The following MRPS9 variants were observed in gnomAD, a reference collection of about 807,000 sequenced individuals.
MRPS9 encodes the protein mitochondrial ribosomal protein S9.
Under a neutral mutation model 59.9 loss-of-function variants are expected in MRPS9, and 45 were observed. The ratio of observed to expected loss-of-function variants is 0.75; its 90% CI spans 0.59 to 0.96. The LOEUF is 0.96. Among genes scored for constraint, MRPS9 ranks in the 40% least tolerant of loss-of-function variants. MRPS9 has a pLI of 0.00. For missense variants in MRPS9, 473 were observed against 481.1 expected (o/e 0.98, Z 0.16); for synonymous variants, 171 against 166.8 (o/e 1.03, Z -0.19).
At chr2:105,062,773 T>C (rs1484930752) in intron 2 of MRPS9, among the ~76,000 whole-genome samples, 1 of 152,228 alleles carries the variant, frequency 6.6e-6, no homozygotes, top group Non-Finnish European at 1.5e-5. Flanking sequence ...ACCAAGCACA[T>C]GTCAGTGAGC....
intron 7 of MRPS9, among the ~76,000 whole-genome samples, chr2:105,091,687 A>G (rs1680562282): frequency 6.6e-6 from 1 of 152,220 alleles, no homozygotes; most frequent in Non-Finnish European, 1.5e-5. Flanking sequence ...AATCTCAAGC[A>G]TTAGTTGTTT....
At chr2:105,069,130 A>C (rs942816595) in intron 2 of MRPS9, among the ~76,000 whole-genome samples, 1 of 152,060 alleles carries the variant, frequency 6.6e-6, no homozygotes, top group African/African-American at 2.4e-5. Flanking sequence ...TATTAGATAA[A>C]ATGTGTTCTC....
chr2:105,095,327 A>T (rs1680635506), intron 9 of MRPS9, among the ~76,000 whole-genome samples: 3 of 152,144 alleles, frequency 2.0e-5, no homozygotes, highest in African/African-American at 7.2e-5. Flanking sequence ...AATTTTTAAA[A>T]TTTTATGATT....
chr2:105,062,518 CTA>C (rs1241208417), intron 2 of MRPS9, among the ~76,000 whole-genome samples: 1 of 152,196 alleles, frequency 6.6e-6, no homozygotes, highest in East Asian at 1.9e-4. Context: ...TAGAAATCCT[CTA>C]TTTGGAGACT....
At position 105,038,072 on chromosome 2, in the gene MRPS9, C is replaced by T. The variant is rs766281259; in HGVS notation, c.-21C>T. 5.6e-6 allele frequency: 9 copies of T among 1,612,746 alleles called. No homozygotes were observed. The highest frequency in any genetic ancestry group is 7.6e-6 in the Non-Finnish European group (9 of 1,179,796). ...GGCCCCGCCCCCTCACCCCTCCGGT[C>T]CTGGAGCTCCCACAGCTAACATGGC... is the stretch of plus-strand genomic sequence containing the variant. On this transcript the variant is annotated 5_prime_UTR_variant, in exon 1 of 11. Coordinates refer to ENST00000258455, the MANE Select transcript of MRPS9 (RefSeq NM_182640.3).
chr2:105,063,356 A>G (rs1423451103), intron 2 of MRPS9, among the ~76,000 whole-genome samples: 1 of 152,234 alleles, frequency 6.6e-6, no homozygotes, highest in Non-Finnish European at 1.5e-5. Context: ...GTGTATATAC[A>G]TATGTATTTA....
intron 2 of MRPS9, among the ~76,000 whole-genome samples, chr2:105,065,073 C>T (rs541387662): frequency 6.6e-6 from 1 of 152,232 alleles, no homozygotes; most frequent in East Asian, 1.9e-4. Context: ...AGGTCAGGAG[C>T]CATATCTTAA....
chr2:105,042,543 T>C (rs542394200), intron 1 of MRPS9, among the ~76,000 whole-genome samples: 1 of 152,236 alleles, frequency 6.6e-6, no homozygotes, highest in Non-Finnish European at 1.5e-5. Flanking sequence ...GTCTCTCTCA[T>C]GTATTTAGGT....
intron 10 of MRPS9, among the ~76,000 whole-genome samples, chr2:105,097,694 A>G (rs1680696251): frequency 6.6e-6 from 1 of 152,140 alleles, no homozygotes; most frequent in Non-Finnish European, 1.5e-5. Flanking sequence ...TATCATAGAA[A>G]TGTGTGGGTT....
intron 4 of MRPS9, 110 bp downstream of exon 4, chr2:105,071,599 G>A (rs1413440823): frequency 1.9e-6 from 2 of 1,065,328 alleles, no homozygotes; most frequent in Non-Finnish European, 2.8e-6. Context: ...CTGTGTCACA[G>A]TAGTTGTGAA....
At chr2:105,051,794 T>G (rs1252134086) in intron 2 of MRPS9, among the ~76,000 whole-genome samples, 1 of 150,160 alleles carries the variant, frequency 6.7e-6, no homozygotes, top group Non-Finnish European at 1.5e-5. Flanking sequence ...TGTCTTAACT[T>G]CTATTGTAAA....
intron 2 of MRPS9, among the ~76,000 whole-genome samples, chr2:105,066,297 A>G (rs1023312732): frequency 3.9e-5 from 6 of 152,208 alleles, no homozygotes; most frequent in Admixed American, 1.3e-4. Flanking sequence ...TTATAAATTA[A>G]TAAGTGTGTA....
chr2:105,052,567 A>G (rs1679731692), intron 2 of MRPS9, among the ~76,000 whole-genome samples: 1 of 151,800 alleles, frequency 6.6e-6, no homozygotes, highest in Non-Finnish European at 1.5e-5. Context: ...TGTCTAATTG[A>G]TATTGGTCTG....
intron 5 of MRPS9, among the ~76,000 whole-genome samples, chr2:105,081,507 T>C (rs1680347350): frequency 6.6e-6 from 1 of 152,232 alleles, no homozygotes; most frequent in Admixed American, 6.5e-5. Context: ...ATCAAACAGC[T>C]GTCATCTGAC....
Position 105,087,003 on chromosome 2 carries a change from T to A in MRPS9, c.490-1981T>A, listed in dbSNP as rs377684166. ...GAGGTGTATTGAAATTTTTCTGATATACTATCCATTTGAAGTCCCAACTCA... is the reference window on the plus strand; with the variant it reads ...GAGGTGTATTGAAATTTTTCTGATAAACTATCCATTTGAAGTCCCAACTCA... On this transcript the variant is annotated intron_variant, in intron 5 of 10. Coordinates refer to ENST00000258455, the MANE Select transcript of MRPS9 (RefSeq NM_182640.3). 4.6e-5 allele frequency among the ~76,000 whole-genome samples: 7 copies of A among 152,334 alleles called. No homozygotes were observed. The South Asian group carries it at 1.0e-3, about 23-fold the overall frequency.
At chr2:105,071,172 C>T in intron 2 of MRPS9, 141 bp from the exon 3 acceptor site, 1 of 614,846 alleles carries the variant, frequency 1.6e-6, no homozygotes, top group South Asian at 2.9e-5. Flanking sequence ...GTAATTTTAT[C>T]ATCCCATTGA....
intron 1 of MRPS9, chr2:105,038,541 C>T (rs974379791): frequency 3.1e-6 from 1 of 319,174 alleles, no homozygotes; most frequent in Admixed American, 4.6e-5. Context: ...GGGTCCAGTC[C>T]TACCCTGCCC....
chr2:105,084,272 A>ATATATAT (rs1553443279), intron 5 of MRPS9, among the ~76,000 whole-genome samples: 2 of 148,346 alleles, frequency 1.3e-5, no homozygotes, highest in African/African-American at 4.9e-5. Flanking sequence ...ATATATATGT[A>ATATATAT]AAATGAAGGG....
intron 4 of MRPS9, among the ~76,000 whole-genome samples, chr2:105,075,808 T>C (rs191236509): frequency 4.6e-5 from 7 of 152,256 alleles, no homozygotes; most frequent in Admixed American, 3.9e-4. Flanking sequence ...TGAGCATTAA[T>C]TTTTTTGGTA....
Sources: allele counts gnomAD v4.1 joint callset (sites outside exome capture counted in the v4.1 genomes callset), GRCh38; gene constraint gnomAD v4.1.1; transcripts MANE v1.5; gene names NCBI Gene and HGNC (gene_info 2026-07-23, HGNC 2026-07-21).